Variants in GSK3B observed in about 807,000 individuals in gnomAD.
GSK3B encodes glycogen synthase kinase 3 beta.
Under a neutral mutation model 56.4 loss-of-function variants are expected in GSK3B, and 15 were observed. That is an observed-to-expected ratio of 0.27 (90% CI 0.18 to 0.41). The LOEUF is 0.41. Ranked by LOEUF, GSK3B falls within the 10% of genes least tolerant of loss-of-function variation. The pLI, the probability that GSK3B is intolerant of heterozygous loss-of-function variation, is 1.00. For missense variants in GSK3B, 300 were observed against 513.4 expected (o/e 0.58, Z 4.02); for synonymous variants, 181 against 188.9 (o/e 0.96, Z 0.34).
chr3:119,892,120 A>T (rs2056509504), intron 7 of GSK3B, among the ~76,000 whole-genome samples: 1 of 152,156 alleles, frequency 6.6e-6, no homozygotes, highest in Non-Finnish European at 1.5e-5. Context: ...TTATAGTTCA[A>T]CACCAGAGGT....
intron 1 of GSK3B, among the ~76,000 whole-genome samples, chr3:120,080,518 C>T (rs73177905): frequency 0.086 from 13,051 of 152,064 alleles, 690 homozygotes; most frequent in Non-Finnish European, 0.12. Context: ...ATCTTAAAGA[C>T]CCAAAAAGAG....
In GSK3B at chr3:119,839,810, C is replaced by T. The variant is rs564343918; in HGVS notation, c.1195+3445G>A. On this transcript the variant is annotated intron_variant, in intron 10 of 10. Transcript: ENST00000264235. Reference sequence around the variant, plus strand: ...TTTTGATGTTATGTGCTCCATTACACTGATTTAAATCAAGTATGACAACTA... The same window carrying T: ...TTTTGATGTTATGTGCTCCATTACATTGATTTAAATCAAGTATGACAACTA... Among the ~76,000 whole-genome samples the T allele has an allele frequency of 7.2e-5, 11 of 152,256 alleles. 1 individual carries two copies. In the South Asian group the frequency reaches 2.3e-3, roughly 32 times the overall value.
intron 1 of GSK3B, chr3:120,029,711 A>AT (rs1484617558): frequency 5.6e-6 from 3 of 534,308 alleles, no homozygotes; most frequent in Non-Finnish European, 1.1e-5. Context: ...TGGGATGGAA[A>AT]TTTTTTTATC....
At chr3:120,045,660 C>A (rs538211267) in intron 1 of GSK3B, among the ~76,000 whole-genome samples, 1 of 152,224 alleles carries the variant, frequency 6.6e-6, no homozygotes, top group African/African-American at 2.4e-5. Flanking sequence ...GCTCCATCCA[C>A]GAGACACGCC....
At chr3:120,001,045 C>CTCCCAAGT (rs2057672019) in intron 2 of GSK3B, among the ~76,000 whole-genome samples, 1 of 151,024 alleles carries the variant, frequency 6.6e-6, no homozygotes, top group Non-Finnish European at 1.5e-5. Context: ...CTACTTCAGC[C>CTCCCAAGT]TCCCAAGTAG....
At chr3:119,982,555 C>T (rs139456116) in intron 2 of GSK3B, among the ~76,000 whole-genome samples, 2 of 152,184 alleles carry the variant, frequency 1.3e-5, no homozygotes, top group African/African-American at 2.4e-5. Context: ...GGCACAAGAA[C>T]GTCATGACAT....
At chr3:119,865,462 ATATATTTTTTTTT>A (rs1328426712) in intron 8 of GSK3B, among the ~76,000 whole-genome samples, 2 of 27,124 alleles carry the variant, frequency 7.4e-5, no homozygotes, top group African/African-American at 1.0e-4. Context: ...ATATATATAT[ATATATTTTTTTTT>A]TTTTTTTTTT....
chr3:120,081,069 C>T (rs570594902), intron 1 of GSK3B, among the ~76,000 whole-genome samples: 1 of 152,114 alleles, frequency 6.6e-6, no homozygotes, highest in East Asian at 1.9e-4. Flanking sequence ...ACCGTAGTAG[C>T]GTCATATGCT....
intron 4 of GSK3B, among the ~76,000 whole-genome samples, chr3:119,919,031 T>A (rs2056810073): frequency 1.3e-5 from 2 of 152,198 alleles, no homozygotes; most frequent in Admixed American, 6.5e-5. Context: ...CTTAAACATG[T>A]ATTTTCAATT....
chr3:120,039,819 C>T (rs2058051086), intron 1 of GSK3B, among the ~76,000 whole-genome samples: 1 of 152,234 alleles, frequency 6.6e-6, no homozygotes, highest in Admixed American at 6.5e-5. Flanking sequence ...ATACACCCTT[C>T]TGCAGAAGTA....
chr3:120,025,483 T>A (rs928515458), intron 1 of GSK3B, among the ~76,000 whole-genome samples: 1 of 152,104 alleles, frequency 6.6e-6, no homozygotes, highest in African/African-American at 2.4e-5. Flanking sequence ...ACTTAAGAGA[T>A]TGAAGTAATT....
intron 1 of GSK3B, among the ~76,000 whole-genome samples, chr3:120,054,259 T>C (rs192423974): frequency 2.9e-4 from 44 of 152,276 alleles, no homozygotes; most frequent in African/African-American, 1.1e-3. Flanking sequence ...ACATTAACAC[T>C]TTCAAATCCC....
chr3:120,072,457 C>T lies in GSK3B; in HGVS notation c.88+20890G>A, dbSNP rs888036317. On this transcript the variant is annotated intron_variant, in intron 1 of 10. Transcript: ENST00000264235. ...CAAAAATTGGCAGGGCATGGTGGTA[C>T]GTGCCTGTAATCCCAACTACTCGAG... Among the ~76,000 whole-genome samples, 3 of 151,850 alleles carry T rather than the reference C, an allele frequency of 2.0e-5. No individual in the cohort carries two copies. In the South Asian group the frequency reaches 6.2e-4, roughly 32 times the overall value.
At chr3:119,827,625 GAAAGAAA>G (rs1266077723) in intron 10 of GSK3B, among the ~76,000 whole-genome samples, 1 of 134,858 alleles carries the variant, frequency 7.4e-6, no homozygotes, top group Non-Finnish European at 1.6e-5. Context: ...AGAGAGAGAA[GAAAGAAA>G]AGAGAAAAGA....
At chr3:119,857,767 CCAT>C (rs1016300196) in intron 9 of GSK3B, among the ~76,000 whole-genome samples, 3 of 152,178 alleles carry the variant, frequency 2.0e-5, no homozygotes, top group Non-Finnish European at 4.4e-5. Flanking sequence ...TTTCCCAGAT[CCAT>C]CAAAGGAATC....
intron 2 of GSK3B, among the ~76,000 whole-genome samples, chr3:119,954,271 A>C (rs2057188475): frequency 6.7e-6 from 1 of 149,252 alleles, no homozygotes; most frequent in Non-Finnish European, 1.5e-5. Flanking sequence ...ATAGAATAGA[A>C]TAGAATAGAA....
chr3:119,984,859 T>C (rs1330499095), intron 2 of GSK3B, among the ~76,000 whole-genome samples: 1 of 152,202 alleles, frequency 6.6e-6, no homozygotes, highest in East Asian at 1.9e-4. Flanking sequence ...ATCATCCTGA[T>C]ACCAAAACCT....
intron 8 of GSK3B, among the ~76,000 whole-genome samples, chr3:119,865,123 A>C (rs2056159703): frequency 6.6e-6 from 1 of 152,092 alleles, no homozygotes; most frequent in Non-Finnish European, 1.5e-5. Flanking sequence ...AAAAGAAAAT[A>C]ATCAGTGGGA....
intron 9 of GSK3B, among the ~76,000 whole-genome samples, 164 bp downstream of exon 9, chr3:119,863,255 A>G (rs2056131490): frequency 6.6e-6 from 1 of 152,234 alleles, no homozygotes; most frequent in African/African-American, 2.4e-5. Context: ...GTTCAAAACC[A>G]TGTAAGTAGT....
Sources: gnomAD v4.1 joint callset for allele counts (sites outside exome capture counted in the v4.1 genomes callset) on GRCh38, gnomAD v4.1.1 for gene constraint, MANE v1.5 for transcripts, NCBI Gene and HGNC (gene_info 2026-07-23, HGNC 2026-07-21) for gene names.